BPTF: variants seen among roughly 807,000 people sequenced by gnomAD.
The protein encoded by BPTF is nucleosome-remodeling factor subunit BPTF.
A neutral mutation model predicts 292.5 loss-of-function variants in BPTF; 18 were observed. The ratio of observed to expected loss-of-function variants is 0.06; its 90% CI spans 0.04 to 0.09. The LOEUF (loss-of-function observed/expected upper bound fraction) is 0.09. Ranked by LOEUF, BPTF falls within the 10% of genes least tolerant of loss-of-function variation. The pLI, the probability that BPTF is intolerant of heterozygous loss-of-function variation, is 1.00. For synonymous variants in BPTF, 1,225 were observed against 1,251.9 expected (o/e 0.98, Z 0.45); for missense variants, 2,726 against 3,498.7 (o/e 0.78, Z 5.57).
chr17:67,911,917 T>C lies in BPTF; in HGVS notation c.4033T>C (p.Cys1345Arg). The change falls in exon 11 of 28, where the codon TGT (cysteine) becomes CGT (arginine). Residue 1345 changes from cysteine to arginine, a missense_variant. By Grantham distance (180) the Cys-to-Arg change is radical (BLOSUM62 -3). Around this residue, in one of 22 missense-constraint regions of BPTF, gnomAD observed 713 missense variants for 714.9 expected, o/e 1.00. Transcript: ENST00000306378. ...ELVSGESTGNCEDRLPVKGTE... is the reference protein window; with the variant it reads ...ELVSGESTGNREDRLPVKGTE... ...GGTTTCTGGTGAGTCCACTGGAAAC[T>C]GTGAGGACAGGCTGCCGGTCAAGGG... 6.2e-7 allele frequency: 1 copy of C among 1,613,988 alleles called. No individual in the cohort carries two copies. Among genetic ancestry groups the C allele is most frequent in the Non-Finnish European group, 8.5e-7 (1 of 1,179,982 alleles).
chr17:67,916,690 T>C (rs918319239), intron 11 of BPTF, among the ~76,000 whole-genome samples: 3 of 144,736 alleles, frequency 2.1e-5, no homozygotes, highest in Non-Finnish European at 4.5e-5. Flanking sequence ...TGCTTGAACC[T>C]GGGAGGCGAA....
At chr17:67,922,440 G>A (rs1198244217) in intron 13 of BPTF, among the ~76,000 whole-genome samples, 2 of 152,160 alleles carry the variant, frequency 1.3e-5, no homozygotes, top group African/African-American at 2.4e-5. Context: ...AGAAGAACAT[G>A]CTAGGCTTTT....
intron 27 of BPTF, among the ~76,000 whole-genome samples, chr17:67,980,646 A>G (rs2148687347): frequency 6.6e-6 from 1 of 152,236 alleles, no homozygotes; most frequent in Non-Finnish European, 1.5e-5. Flanking sequence ...GATGAAGGAG[A>G]GGAAATTGCC....
Position 67,916,911 on chromosome 17 carries a change from G to A in BPTF, c.5304-1803G>A, listed in dbSNP as rs144698927. Among the ~76,000 whole-genome samples, 330 of 152,048 alleles carry A rather than the reference G, an allele frequency of 2.2e-3. 1 individual carries two copies. The highest frequency in any genetic ancestry group is 7.4e-3 in the African/African-American group (307 of 41,484). On this transcript the variant is annotated intron_variant, in intron 11 of 27. Transcript: ENST00000306378. ...ATCAACCACTAAGTTCATTTAAGTAGAGTGAAAATGTCAACAAAGTATTCA... is the reference window on the plus strand; with the variant it reads ...ATCAACCACTAAGTTCATTTAAGTAAAGTGAAAATGTCAACAAAGTATTCA...
At position 67,912,540 on chromosome 17, in the gene BPTF, A is replaced by G; in HGVS notation, c.4656A>G (p.Glu1552=). 1 of 1,614,014 alleles carries G rather than the reference A, an allele frequency of 6.2e-7. No individual in the cohort carries two copies. The highest frequency in any genetic ancestry group is 8.5e-7 in the Non-Finnish European group (1 of 1,179,920). The change falls in exon 11 of 28, where the codon GAA becomes GAG. Residue 1552 remains glutamate (E), a synonymous_variant. Coordinates refer to ENST00000306378, the MANE Select transcript of BPTF (RefSeq NM_182641.4). ...KKVTSSPITS[E]EESNLSNDFI... is the part of the protein sequence containing the mutation. ...TTACTTCATCACCTATTACTTCTGA[A>G]GAGGAATCTAATCTCAGTAATGACT... is the stretch of plus-strand genomic sequence containing the variant.
At chr17:67,902,634 G>C (rs2146608726) in intron 7 of BPTF, among the ~76,000 whole-genome samples, 1 of 152,246 alleles carries the variant, frequency 6.6e-6, no homozygotes, top group South Asian at 2.1e-4. Flanking sequence ...TGTCAGCCTG[G>C]GGGAGACTGT....
chr17:67,972,350 C>T (rs1178606086), intron 26 of BPTF, among the ~76,000 whole-genome samples: 1 of 152,098 alleles, frequency 6.6e-6, no homozygotes, highest in African/African-American at 2.4e-5. Flanking sequence ...ATTCTTCCAC[C>T]TCAGCCTCCC....
intron 18 of BPTF, among the ~76,000 whole-genome samples, chr17:67,934,963 TAGC>T (rs931229481): frequency 6.0e-5 from 9 of 149,938 alleles, no homozygotes; most frequent in South Asian, 4.2e-4. Context: ...AATTCTCAAA[TAGC>T]AGCCTTAAGC....
chr17:67,845,410 C>T (rs1235960416), intron 1 of BPTF, among the ~76,000 whole-genome samples: 1 of 152,242 alleles, frequency 6.6e-6, no homozygotes, highest in Non-Finnish European at 1.5e-5. Flanking sequence ...TTGAAGACAT[C>T]TCCCTTTCTT....
chr17:67,933,691 T>A (rs190022981), intron 18 of BPTF, among the ~76,000 whole-genome samples: 1 of 152,338 alleles, frequency 6.6e-6, no homozygotes, highest in East Asian at 1.9e-4. Context: ...GAGAAATTAA[T>A]AGGAGCATAG....
At chr17:67,979,726 A>G (rs1252799975) in intron 27 of BPTF, among the ~76,000 whole-genome samples, 2 of 152,146 alleles carry the variant, frequency 1.3e-5, no homozygotes, top group African/African-American at 4.8e-5. Flanking sequence ...AAAAGTTGAT[A>G]AAACAAGAAA....
chr17:67,825,984 C>G lies in BPTF; in HGVS notation c.260C>G (p.Thr87Ser), dbSNP rs2055968636. 2 of 1,087,020 alleles carry G rather than the reference C, an allele frequency of 1.8e-6. No homozygotes were observed. The highest frequency in any genetic ancestry group is 4.3e-5 in the South Asian group (1 of 23,122). 67.3% of individuals were successfully genotyped at this position (1,087,020 alleles called of 1,614,324 possible). Residue 87 changes from threonine (T) to serine (S), a missense_variant, in exon 1 of 28, where the codon ACC becomes AGC. Around this residue, in one of 22 missense-constraint regions of BPTF, gnomAD observed 103 missense variants for 72.1 expected, o/e 1.43. Coordinates refer to ENST00000306378, the MANE Select transcript of BPTF (RefSeq NM_182641.4). ...CCGCCGCCGCCGGCCCCCCCCAGCA[C>G]CAGCGCCCCGGGCCGGGGGGGGCGA... ...PPPPPPAPPS[T>S]SAPGRGGRGG...
intron 23 of BPTF, among the ~76,000 whole-genome samples, chr17:67,953,682 T>G (rs1311619652): frequency 1.3e-5 from 2 of 150,566 alleles, no homozygotes; most frequent in Non-Finnish European, 3.0e-5. Flanking sequence ...TTGAAGCAAT[T>G]CTCCTGCCTC....
At chr17:67,875,810 G>GA in intron 4 of BPTF, 1 of 1,281,364 alleles carries the variant, frequency 7.8e-7, no homozygotes, top group Non-Finnish European at 1.0e-6. Flanking sequence ...AGTAAAAGCC[G>GA]AATGTCACCT....
intron 27 of BPTF, among the ~76,000 whole-genome samples, chr17:67,977,475 A>G (rs1178434534): frequency 6.6e-6 from 1 of 151,926 alleles, no homozygotes; most frequent in Non-Finnish European, 1.5e-5. Flanking sequence ...AGATTGCGCC[A>G]CTGCATTCCA....
chr17:67,852,769 A>G (rs2058486536), intron 1 of BPTF, among the ~76,000 whole-genome samples: 1 of 152,246 alleles, frequency 6.6e-6, no homozygotes, highest in Admixed American at 6.5e-5. Context: ...ACAGGGTCAA[A>G]GGGACATACA....
At chr17:67,930,825 G>A (rs1231419530) in intron 17 of BPTF, among the ~76,000 whole-genome samples, 1 of 151,890 alleles carries the variant, frequency 6.6e-6, no homozygotes, top group Non-Finnish European at 1.5e-5. Flanking sequence ...TGTGCCTGTA[G>A]TCCCAGCTAT....
intron 3 of BPTF, among the ~76,000 whole-genome samples, chr17:67,871,902 T>G (rs1240693063): frequency 1.3e-5 from 2 of 152,130 alleles, no homozygotes; most frequent in Non-Finnish European, 2.9e-5. Flanking sequence ...CTCGGCTCAC[T>G]GCAACCTCTG....
chr17:67,828,328 A>G (rs965186906), intron 1 of BPTF, among the ~76,000 whole-genome samples: 4 of 152,136 alleles, frequency 2.6e-5, no homozygotes, highest in African/African-American at 7.2e-5. Context: ...ACTGAATTGC[A>G]TACACCCCTG....
Sources: allele counts gnomAD v4.1 joint callset (sites outside exome capture counted in the v4.1 genomes callset), GRCh38; gene constraint gnomAD v4.1.1; regional missense constraint gnomAD v4.1.1; transcripts MANE v1.5; gene names NCBI Gene and HGNC (gene_info 2026-07-23, HGNC 2026-07-21).